Variants in POC5 observed in about 807,000 individuals in gnomAD.
The protein encoded by POC5 is centrosomal protein POC5.
A neutral mutation model predicts 62.9 loss-of-function variants in POC5; 48 were observed. That is an observed-to-expected ratio of 0.76 (90% CI 0.61 to 0.97). The LOEUF (loss-of-function observed/expected upper bound fraction) is 0.97, where lower values mean the gene tolerates loss of function less well. Ranked by LOEUF, POC5 falls within the 50% of genes least tolerant of loss-of-function variation. POC5 has a pLI of 0.00. For missense variants in POC5, 696 were observed against 679.5 expected (o/e 1.02, Z -0.27); for synonymous variants, 236 against 228.2 (o/e 1.03, Z -0.31).
chr5:75,699,823 T>A (rs865955209), intron 5 of POC5, among the ~76,000 whole-genome samples: 2 of 140,716 alleles, frequency 1.4e-5, no homozygotes. Context: ...AAAACCCCAT[T>A]GTCTCAGCCC....
chr5:75,684,863 A>G (rs1212075339), intron 10 of POC5, among the ~76,000 whole-genome samples: 1 of 148,302 alleles, frequency 6.7e-6, no homozygotes, highest in Non-Finnish European at 1.5e-5. Flanking sequence ...TTAAATTTAC[A>G]AACAAGCTTT....
chr5:75,705,802 G>C lies in POC5; in HGVS notation c.224-15C>G. 6.7e-7 allele frequency: 1 copy of C among 1,500,414 alleles called. No homozygotes were observed. The highest frequency in any genetic ancestry group is 9.0e-7 in the Non-Finnish European group (1 of 1,116,930). 92.9% of individuals were successfully genotyped at this position (1,500,414 alleles called of 1,614,324 possible). On this transcript the variant is annotated splice_polypyrimidine_tract_variant and intron_variant, in intron 3 of 11. Coordinates refer to ENST00000428202, the MANE Select transcript of POC5 (RefSeq NM_001099271.2). ...AGAGTTATTTCCTGCCAAAAAGAAA[G>C]CTTTTTAAAATTAAACTGAACCACT... is the stretch of plus-strand genomic sequence containing the variant.
intron 7 of POC5, among the ~76,000 whole-genome samples, chr5:75,691,387 T>C (rs1268557109): frequency 6.6e-6 from 1 of 152,188 alleles, no homozygotes; most frequent in Non-Finnish European, 1.5e-5. Context: ...AATCTGAAAC[T>C]TTTTGAGTGT....
chr5:75,674,630 G>A lies in POC5; in HGVS notation c.1585-52C>T, dbSNP rs1775584642. The A allele has an allele frequency of 1.9e-6, 3 of 1,560,518 alleles. No homozygotes were observed. The African/African-American group carries it at 4.1e-5, about 21-fold the overall frequency. ...AATATCCCAAGATTATGTATACTAT[G>A]TATCATTTCATCATCTATCATCTAT... On this transcript the variant is annotated intron_variant, in intron 11 of 11. Coordinates refer to ENST00000428202, the MANE Select transcript of POC5 (RefSeq NM_001099271.2).
intron 5 of POC5, among the ~76,000 whole-genome samples, chr5:75,699,715 C>T (rs1286435544): frequency 1.4e-5 from 2 of 146,562 alleles, no homozygotes; most frequent in African/African-American, 2.5e-5. Flanking sequence ...AAGTTCTGGC[C>T]AGGGCAATCA....
intron 10 of POC5, among the ~76,000 whole-genome samples, chr5:75,679,493 A>C (rs933365222): frequency 3.3e-5 from 5 of 152,184 alleles, no homozygotes; most frequent in African/African-American, 1.2e-4. Flanking sequence ...GGGAAAATTA[A>C]AATGACAGAG....
intron 10 of POC5, among the ~76,000 whole-genome samples, chr5:75,679,700 A>C (rs1203864579): frequency 1.3e-5 from 2 of 152,178 alleles, no homozygotes; most frequent in Non-Finnish European, 2.9e-5. Flanking sequence ...TATATTAGTA[A>C]TCATAAATGA....
chr5:75,674,702 T>C (rs1469362334), intron 11 of POC5, 124 bp from the exon 12 acceptor site: 3 of 1,216,956 alleles, frequency 2.5e-6, no homozygotes, highest in Non-Finnish European at 2.3e-6. Context: ...AAAGAAGCAA[T>C]GAGTGGAGTG....
Position 75,677,961 on chromosome 5 carries a change from A to C in POC5, c.1408-11T>G, listed in dbSNP as rs1775735811. ...AACTCTTGGCACATACTAAGAAGAA[A>C]AAAAAATAAAAGAAGTAACAAGGTG... On this transcript the variant is annotated splice_polypyrimidine_tract_variant and intron_variant, in intron 10 of 11. Transcript: ENST00000428202. 17 of 1,483,990 alleles carry C rather than the reference A, an allele frequency of 1.1e-5. No individual in the cohort carries two copies. The East Asian group carries it at 4.2e-4, about 37-fold the overall frequency. The allele number at this position is 1,483,990 out of a possible 1,614,324, so 91.9% of individuals were successfully genotyped here. A position where few individuals can be genotyped will look rare whatever the true frequency, so the allele number is the denominator to read the frequency against.
chr5:75,683,395 G>A (rs185647243), intron 10 of POC5, among the ~76,000 whole-genome samples: 4 of 151,990 alleles, frequency 2.6e-5, no homozygotes, highest in South Asian at 2.1e-4. Flanking sequence ...CACCATGCCC[G>A]GCTAATTTTT....
intron 5 of POC5, among the ~76,000 whole-genome samples, chr5:75,700,972 C>T (rs1166328000): frequency 3.8e-5 from 5 of 132,830 alleles, no homozygotes; most frequent in African/African-American, 1.1e-4. Context: ...TGAAAAAATG[C>T]TCACCATCAC....
intron 2 of POC5, chr5:75,709,473 T>C (rs963427191): frequency 1.3e-5 from 2 of 150,248 alleles, no homozygotes; most frequent in African/African-American, 2.5e-5. Flanking sequence ...TTTTATATTA[T>C]AAAACTTAAA....
chr5:75,684,668 A>G (rs910332111), intron 10 of POC5, among the ~76,000 whole-genome samples: 3 of 151,790 alleles, frequency 2.0e-5, no homozygotes, highest in African/African-American at 7.3e-5. Flanking sequence ...CGGCTCCTAC[A>G]TAATTTTTGA....
intron 5 of POC5, among the ~76,000 whole-genome samples, chr5:75,696,957 A>C (rs4703677): frequency 5.9e-5 from 9 of 151,556 alleles, no homozygotes; most frequent in East Asian, 1.9e-4. Flanking sequence ...GGGTATCAGC[A>C]ATGGAAGATG....
At chr5:75,683,049 C>A (rs1213282024) in intron 10 of POC5, among the ~76,000 whole-genome samples, 3 of 152,304 alleles carry the variant, frequency 2.0e-5, no homozygotes, top group East Asian at 3.9e-4. Flanking sequence ...GCAATGGCAC[C>A]TTCTGATGGC....
intron 6 of POC5, among the ~76,000 whole-genome samples, chr5:75,693,374 A>C (rs1776427841): frequency 1.3e-5 from 2 of 151,960 alleles, no homozygotes; most frequent in African/African-American, 4.8e-5. Context: ...ACATTTACCA[A>C]GAGATATTTA....
intron 11 of POC5, 54 bp downstream of exon 11, chr5:75,677,720 A>G: frequency 6.9e-7 from 1 of 1,449,692 alleles, no homozygotes; most frequent in Non-Finnish European, 9.2e-7. Context: ...TTACTAGTCT[A>G]TGAACTCTCA....
At chr5:75,695,673 AAAC>A (rs890918186) in intron 5 of POC5, among the ~76,000 whole-genome samples, 6 of 152,072 alleles carry the variant, frequency 3.9e-5, no homozygotes, top group African/African-American at 1.2e-4. Context: ...AAAAAACAAA[AAAC>A]AAAAAAACAA....
Position 75,689,060 on chromosome 5 carries a change from C to T in POC5, c.1081G>A (p.Ala361Thr). The stretch of plus-strand genomic sequence containing the variant: ...ATAGTCATGGCTTCAAGATTTAATG[C>T]ACATACACCCCTCATGAAAGCTTTT... ...MKKAFMRGVC[A>T]LNLEAMTIFQ... The change falls in exon 9 of 12, where the codon GCA (alanine) becomes ACA (threonine). Residue 361 changes from alanine to threonine, a missense_variant. By Grantham distance (58) the Ala-to-Thr change is moderately conservative. Coordinates refer to ENST00000428202, the MANE Select transcript of POC5 (RefSeq NM_001099271.2). 6.2e-7 allele frequency: 1 copy of T among 1,603,160 alleles called. No individual in the cohort carries two copies. Among genetic ancestry groups the T allele is most frequent in the African/African-American group, 1.3e-5 (1 of 74,816 alleles).
Sources: gnomAD v4.1 joint callset for allele counts (sites outside exome capture counted in the v4.1 genomes callset) on GRCh38, gnomAD v4.1.1 for gene constraint, MANE v1.5 for transcripts, NCBI Gene and HGNC (gene_info 2026-07-23, HGNC 2026-07-21) for gene names.